Variants in CADPS2 observed in about 807,000 individuals in gnomAD.
CADPS2 encodes calcium-dependent secretion activator 2.
Under a neutral mutation model 172.5 loss-of-function variants are expected in CADPS2, and 93 were observed. That is an observed-to-expected ratio of 0.54 (90% CI 0.46 to 0.64). The LOEUF (loss-of-function observed/expected upper bound fraction) is 0.64, where lower values mean the gene tolerates loss of function less well. Among genes scored for constraint, CADPS2 ranks in the 30% least tolerant of loss-of-function variants. CADPS2 has a pLI of 0.00. For missense variants in CADPS2, 1,420 were observed against 1,565.9 expected (o/e 0.91, Z 1.57); for synonymous variants, 546 against 555.2 (o/e 0.98, Z 0.23).
At chr7:122,596,024 T>C (rs1020057139) in intron 6 of CADPS2, among the ~76,000 whole-genome samples, 2 of 152,146 alleles carry the variant, frequency 1.3e-5, no homozygotes, top group African/African-American at 4.8e-5. Flanking sequence ...CTCAGGAGTC[T>C]GGTCAAGCAG....
At chr7:122,880,809 A>G (rs1311864254) in intron 1 of CADPS2, among the ~76,000 whole-genome samples, 2 of 152,248 alleles carry the variant, frequency 1.3e-5, no homozygotes, top group East Asian at 1.9e-4. Flanking sequence ...ATAAAATGAT[A>G]TATTACAGAT....
At position 122,871,227 on chromosome 7, in the gene CADPS2, CTT is replaced by C. The variant is rs547680712; in HGVS notation, c.339+14770_339+14771del. On this transcript the variant is annotated intron_variant, in intron 1 of 29. Coordinates refer to ENST00000449022, the MANE Select transcript of CADPS2 (RefSeq NM_017954.11). ...ACCCTGGTTTCATCCCACTTTTTGA[CTT>C]ATGTATTCCAGCATTTTCACATGTT... 5.9e-5 allele frequency among the ~76,000 whole-genome samples: 9 copies of C among 151,558 alleles called. No individual in the cohort carries two copies. In the East Asian group the frequency reaches 1.7e-3, roughly 29 times the overall value.
chr7:122,472,431 G>A (rs572492919), intron 13 of CADPS2, among the ~76,000 whole-genome samples: 57 of 152,250 alleles, frequency 3.7e-4, no homozygotes, highest in Non-Finnish European at 7.5e-4. Context: ...AGATAAATAA[G>A]CTAAAGCTCA....
intron 7 of CADPS2, among the ~76,000 whole-genome samples, chr7:122,565,052 T>A (rs2066270804): frequency 1.3e-5 from 2 of 151,806 alleles, no homozygotes; most frequent in South Asian, 2.1e-4. Flanking sequence ...AGGAAGGGAA[T>A]AATAGACACT....
intron 8 of CADPS2, among the ~76,000 whole-genome samples, chr7:122,522,621 T>C (rs988392827): frequency 3.3e-5 from 5 of 152,164 alleles, no homozygotes; most frequent in African/African-American, 7.2e-5. Flanking sequence ...TATTATTAAC[T>C]ATAGTCACCC....
rs757076901 is a variant in CADPS2 at position 122,663,522 on chromosome 7, C to T, written c.501G>A (p.Gly167=). The change falls in exon 3 of 30, where the codon GGG becomes GGA. Residue 167 remains glycine (G), a synonymous_variant. Transcript: ENST00000449022. ...DRVARMVQSG[G]CSANDFREVF... is the part of the protein sequence containing the mutation. Reference sequence around the variant, plus strand: ...CTTCTCTGAAGTCATTAGCAGAACACCCTCCACTCTGTACCATTCTGGCCA... The same window carrying T: ...CTTCTCTGAAGTCATTAGCAGAACATCCTCCACTCTGTACCATTCTGGCCA... 1 of 1,604,390 alleles carries T rather than the reference C, an allele frequency of 6.2e-7. No individual in the cohort carries two copies. The highest frequency in any genetic ancestry group is 1.3e-5 in the African/African-American group (1 of 74,930).
rs1020574717 is a variant in CADPS2 at position 122,513,156 on chromosome 7, T to G, written c.1542+93A>C. 8 of 826,298 alleles carry G rather than the reference T, an allele frequency of 9.7e-6. No individual in the cohort carries two copies. The Admixed American group carries it at 1.3e-4, about 13-fold the overall frequency. 51.2% of individuals were successfully genotyped at this position (826,298 alleles called of 1,614,324 possible). ...AGTGGCTTAAACATATTTTAATTTC[T>G]AAAACAGTAAATTTTGATAGATATA... is the stretch of plus-strand genomic sequence containing the variant. On this transcript the variant is annotated intron_variant, in intron 9 of 29. Coordinates refer to ENST00000449022, the MANE Select transcript of CADPS2 (RefSeq NM_017954.11).
chr7:122,648,373 A>C (rs2134853426), intron 3 of CADPS2, among the ~76,000 whole-genome samples: 1 of 152,290 alleles, frequency 6.6e-6, no homozygotes, highest in South Asian at 2.1e-4. Flanking sequence ...AACAGATTAA[A>C]ATTCCAGACT....
At chr7:122,728,582 G>C (rs1204790528) in intron 2 of CADPS2, among the ~76,000 whole-genome samples, 1 of 151,778 alleles carries the variant, frequency 6.6e-6, no homozygotes, top group Non-Finnish European at 1.5e-5. Context: ...AAAGTATCAA[G>C]TCATGCTCCT....
chr7:122,450,857 G>A (rs2053000666), intron 15 of CADPS2, among the ~76,000 whole-genome samples: 1 of 152,016 alleles, frequency 6.6e-6, no homozygotes, highest in Admixed American at 6.6e-5. Context: ...TTTGAGCAAG[G>A]AATGGTGCTA....
intron 3 of CADPS2, among the ~76,000 whole-genome samples, chr7:122,640,632 A>AT (rs1318479094): frequency 2.0e-5 from 3 of 151,958 alleles, no homozygotes; most frequent in Non-Finnish European, 4.4e-5. Context: ...AAAAATAAAA[A>AT]TAAAAAAAAA....
intron 3 of CADPS2, among the ~76,000 whole-genome samples, chr7:122,652,572 C>T (rs966949179): frequency 2.6e-5 from 4 of 152,240 alleles, no homozygotes; most frequent in Non-Finnish European, 5.9e-5. Flanking sequence ...ATTCTTCCTT[C>T]ACTCCTGTTC....
At chr7:122,560,780 C>A (rs1212811171) in intron 7 of CADPS2, among the ~76,000 whole-genome samples, 1 of 152,134 alleles carries the variant, frequency 6.6e-6, no homozygotes, top group East Asian at 1.9e-4. Flanking sequence ...AGCAAAGATT[C>A]ATAAAGACAG....
In CADPS2 at chr7:122,675,594, T is replaced by A. The variant is rs565443386; in HGVS notation, c.454-12025A>T. The stretch of plus-strand genomic sequence containing the variant: ...AAACATATGTGTGCATATGTCTGAA[T>A]AAAGAAAATGTGGCACATATACACC... On this transcript the variant is annotated intron_variant, in intron 2 of 29. Coordinates refer to ENST00000449022, the MANE Select transcript of CADPS2 (RefSeq NM_017954.11). Among the ~76,000 whole-genome samples, 8 of 152,088 alleles carry A rather than the reference T, an allele frequency of 5.3e-5. No individual in the cohort carries two copies. In the East Asian group the frequency reaches 1.5e-3, roughly 29 times the overall value.
chr7:122,493,869 A>C (rs1407051512), intron 9 of CADPS2, among the ~76,000 whole-genome samples: 1 of 152,056 alleles, frequency 6.6e-6, no homozygotes, highest in Non-Finnish European at 1.5e-5. Context: ...TTCCTAATCA[A>C]ATAGTTTGCT....
chr7:122,741,264 T>C (rs2092459381), intron 1 of CADPS2, among the ~76,000 whole-genome samples: 2 of 152,046 alleles, frequency 1.3e-5, no homozygotes, highest in Non-Finnish European at 2.9e-5. Context: ...ACATAGAAAA[T>C]GGATAAATAA....
At chr7:122,402,135 A>G (rs1454070634) in intron 20 of CADPS2, among the ~76,000 whole-genome samples, 1 of 152,172 alleles carries the variant, frequency 6.6e-6, no homozygotes, top group Non-Finnish European at 1.5e-5. Flanking sequence ...GGTTCCTAAC[A>G]TACATGCTGA....
intron 1 of CADPS2, among the ~76,000 whole-genome samples, chr7:122,859,703 A>T (rs1252537059): frequency 6.6e-6 from 1 of 152,164 alleles, no homozygotes; most frequent in African/African-American, 2.4e-5. Context: ...GCCCTTATAT[A>T]AAATGGCATA....
At position 122,755,136 on chromosome 7, in the gene CADPS2, T is replaced by C. The variant is rs190061660; in HGVS notation, c.340-18068A>G. On this transcript the variant is annotated intron_variant, in intron 1 of 29. Coordinates refer to ENST00000449022, the MANE Select transcript of CADPS2 (RefSeq NM_017954.11). ...TTGCTACTGAGCAGTATGATGACAA[T>C]TACACCAAATCTAGATTTTAGATTT... 4.2e-3 allele frequency among the ~76,000 whole-genome samples: 638 copies of C among 152,288 alleles called. 2 individuals carry two copies. Among genetic ancestry groups the C allele is most frequent in the Middle Eastern group, 0.01 (3 of 294 alleles).
Sources: gnomAD v4.1 joint callset for allele counts (sites outside exome capture counted in the v4.1 genomes callset) on GRCh38, gnomAD v4.1.1 for gene constraint, MANE v1.5 for transcripts, NCBI Gene and HGNC (gene_info 2026-07-23, HGNC 2026-07-21) for gene names.